Variants in RNPS1 observed in about 807,000 individuals in gnomAD.
The protein encoded by RNPS1 is RNA binding protein with serine rich domain 1, also known as RNA-binding protein with serine-rich domain 1.
For synonymous variants in RNPS1, 147 were observed against 150.0 expected (o/e 0.98, Z 0.15); for missense variants, 300 against 427.6 (o/e 0.70, Z 2.63).
chr16:2,257,451 A>T (rs774289171), intron 6 of RNPS1: 3 of 152,200 alleles, frequency 2.0e-5, no homozygotes, highest in Non-Finnish European at 2.9e-5. Flanking sequence ...TCTTCTGTGT[A>T]GCTGCCAGTA....
intron 1 of RNPS1, chr16:2,267,781 C>T (rs1163401027): frequency 5.0e-6 from 7 of 1,387,912 alleles, no homozygotes; most frequent in Non-Finnish European, 6.5e-6. Context: ...CCCCGCTGGT[C>T]TGAGTCCCGC....
intron 6 of RNPS1, among the ~76,000 whole-genome samples, chr16:2,259,983 CT>C (rs1056757119): frequency 6.6e-6 from 1 of 152,136 alleles, no homozygotes; most frequent in African/African-American, 2.4e-5. Flanking sequence ...ATCTTTTTAA[CT>C]TTTTGCTTAA....
intron 1 of RNPS1, chr16:2,267,273 T>C (rs2093628711): frequency 1.0e-6 from 1 of 985,004 alleles, no homozygotes; most frequent in South Asian, 4.7e-5. Context: ...ATTAGTTAAA[T>C]CTCGAGGAGA....
chr16:2,254,019 C>G lies in RNPS1; in HGVS notation c.863G>C (p.Arg288Pro), dbSNP rs1411816276. ...RRRSPVRRRS[R>P]SPGRRRHRSR... ...CCTGTGGCGGCGGCGGCCCGGGGACCGTGATCTCCGGCGCACGGGGGACCT... is the reference window on the plus strand; with the variant it reads ...CCTGTGGCGGCGGCGGCCCGGGGACGGTGATCTCCGGCGCACGGGGGACCT... Residue 288 changes from arginine (R) to proline (P), a missense_variant, in exon 8 of 8, where the codon CGG becomes CCG. By Grantham distance (103) the Arg-to-Pro change is moderately radical. Transcript: ENST00000320225. 6.6e-7 allele frequency: 1 copy of G among 1,522,730 alleles called. No individual in the cohort carries two copies. The highest frequency in any genetic ancestry group is 8.8e-7 in the Non-Finnish European group (1 of 1,132,542). 94.3% of individuals were successfully genotyped at this position (1,522,730 alleles called of 1,614,324 possible).
rs1253657911 is a variant in RNPS1 at position 2,268,103 on chromosome 16, C to T, written c.-166G>A. On this transcript the variant is annotated 5_prime_UTR_variant, in exon 1 of 8. Coordinates refer to ENST00000320225, the MANE Select transcript of RNPS1 (RefSeq NM_080594.4). Reference sequence around the variant, plus strand: ...TCCTGCTTTCCTCAGCCGCCGAGGCCGGCGCCGCTCTGACGTCAGAGTCAA... The same window carrying T: ...TCCTGCTTTCCTCAGCCGCCGAGGCTGGCGCCGCTCTGACGTCAGAGTCAA... 1.3e-6 allele frequency: 2 copies of T among 1,535,018 alleles called. No homozygotes were observed. The highest frequency in any genetic ancestry group is 8.7e-7 in the Non-Finnish European group (1 of 1,146,412).
chr16:2,267,690 G>A (rs970775218), intron 1 of RNPS1: 88 of 1,169,844 alleles, frequency 7.5e-5, no homozygotes, highest in South Asian at 2.3e-4. Context: ...GCCGGGCCGC[G>A]AGCGCTTCCA....
At position 2,265,993 on chromosome 16, in the gene RNPS1, A is replaced by G. The variant is rs143816722; in HGVS notation, c.-117-1233T>C. 1.4e-4 allele frequency: 59 copies of G among 421,588 alleles called. No individual in the cohort carries two copies. In the East Asian group the frequency reaches 7.6e-3, roughly 54 times the overall value. The allele number at this position is 421,588 out of a possible 1,614,324, so 26.1% of individuals were successfully genotyped here. Reference sequence around the variant, plus strand: ...CTCAAAAACAAATTACTAATTAGTTATGGGCCCTATTTTCCAGGGACTTCT... The same window carrying G: ...CTCAAAAACAAATTACTAATTAGTTGTGGGCCCTATTTTCCAGGGACTTCT... On this transcript the variant is annotated intron_variant, in intron 1 of 7. Transcript: ENST00000320225.
intron 3 of RNPS1, among the ~76,000 whole-genome samples, chr16:2,263,603 G>A (rs1335812323): frequency 6.6e-6 from 1 of 152,208 alleles, no homozygotes; most frequent in African/African-American, 2.4e-5. Context: ...GCTGCTGGCT[G>A]ATGCTGACCC....
intron 1 of RNPS1, chr16:2,266,073 G>C (rs1384540700): frequency 1.0e-6 from 1 of 978,008 alleles, no homozygotes; most frequent in Admixed American, 6.2e-5. Flanking sequence ...GTTAAGTGAA[G>C]ATCTCAGGAA....
At chr16:2,268,022 A>G (rs1320849945) in intron 1 of RNPS1, 33 bp downstream of exon 1, 1 of 1,533,632 alleles carries the variant, frequency 6.5e-7, no homozygotes, top group Non-Finnish European at 8.7e-7. Flanking sequence ...AGCCCCCGAA[A>G]CACGGATGCA....
chr16:2,258,621 G>A (rs753292790), intron 6 of RNPS1: 1 of 152,084 alleles, frequency 6.6e-6, no homozygotes, highest in Non-Finnish European at 1.5e-5. Flanking sequence ...GCTACTTGGG[G>A]AGGCTGAAGC....
At chr16:2,264,446 A>G in intron 2 of RNPS1, 115 bp from the exon 3 acceptor site, 1 of 1,542,794 alleles carries the variant, frequency 6.5e-7, no homozygotes, top group Non-Finnish European at 8.9e-7. Context: ...GTGACCACAG[A>G]GCAAAGTGGT....
intron 7 of RNPS1, among the ~76,000 whole-genome samples, chr16:2,254,879 C>T (rs534047907): frequency 6.6e-6 from 1 of 151,544 alleles, no homozygotes; most frequent in South Asian, 2.1e-4. Flanking sequence ...GTAGCTGGGA[C>T]TACAGGCACC....
intron 6 of RNPS1, among the ~76,000 whole-genome samples, chr16:2,259,348 AATT>A (rs1257835466): frequency 1.7e-4 from 26 of 152,198 alleles, no homozygotes; most frequent in African/African-American, 5.8e-4. Context: ...GATCAGTAAT[AATT>A]ATAATTGTTA....
chr16:2,260,132 G>A (rs2093596510), intron 6 of RNPS1, among the ~76,000 whole-genome samples: 1 of 143,632 alleles, frequency 7.0e-6, no homozygotes, highest in Non-Finnish European at 1.5e-5. Flanking sequence ...AACTATTTGT[G>A]TGTGTGTGTG....
Position 2,264,163 on chromosome 16 carries a change from C to T in RNPS1, c.227+13G>A. On this transcript the variant is annotated intron_variant, in intron 3 of 7. Transcript: ENST00000320225. ...CACAGGTCCTCTCCAGGCTCCAGGC[C>T]AGCCCGCCCCACCTGGTACTGCTGC... 3 of 1,612,326 alleles carry T rather than the reference C, an allele frequency of 1.9e-6. No homozygotes were observed. Among genetic ancestry groups the T allele is most frequent in the Non-Finnish European group, 2.5e-6 (3 of 1,180,002 alleles).
At position 2,253,941 on chromosome 16, in the gene RNPS1, G is replaced by A. The variant is rs372051632; in HGVS notation, c.*23C>T. ...GAGCTGGGTGGGGTATAAGTTACAGGGGCGAGAGCTTCAGTGGCCTGTTTA... is the reference window on the plus strand; with the variant it reads ...GAGCTGGGTGGGGTATAAGTTACAGAGGCGAGAGCTTCAGTGGCCTGTTTA... On this transcript the variant is annotated 3_prime_UTR_variant, in exon 8 of 8. Transcript: ENST00000320225. 2.9e-5 allele frequency: 45 copies of A among 1,547,270 alleles called. No individual in the cohort carries two copies. The highest frequency in any genetic ancestry group is 3.9e-5 in the Non-Finnish European group (45 of 1,142,948).
Position 2,264,309 on chromosome 16 carries a change from T to C in RNPS1, c.94A>G (p.Lys32Glu). 6.2e-7 allele frequency: 1 copy of C among 1,614,224 alleles called. No homozygotes were observed. The highest frequency in any genetic ancestry group is 8.5e-7 in the Non-Finnish European group (1 of 1,180,040). Residue 32 changes from lysine (K) to glutamate (E), a missense_variant, in exon 3 of 8, where the codon AAA (lysine) becomes GAA (glutamate). Transcript: ENST00000320225. ...TTGGACTTCTCATCTGAGCGGTCTT[T>C]GCGTTTGGTAGGTGAAGGAGCCCTG... Reference protein sequence around the residue: ...STRAPSPTKRKDRSDEKSKDR... With the variant: ...STRAPSPTKREDRSDEKSKDR...
rs1422242355 is a variant in RNPS1 at position 2,267,885 on chromosome 16, C to T, written c.-118+170G>A. The T allele has an allele frequency of 2.0e-6, 3 of 1,515,312 alleles. No individual in the cohort carries two copies. The East Asian group carries it at 7.5e-5, about 38-fold the overall frequency. The allele number at this position is 1,515,312 out of a possible 1,614,324, so 93.9% of individuals were successfully genotyped here. A position where few individuals can be genotyped will look rare whatever the true frequency, so the allele number is the denominator to read the frequency against. ...CTTCCGGGCCACGGCCTCGACACCT[C>T]CCACTCCGCCCGCCCCGGGCCACAC... On this transcript the variant is annotated intron_variant, in intron 1 of 7. Transcript: ENST00000320225.
Sources: gnomAD v4.1 joint callset for allele counts (sites outside exome capture counted in the v4.1 genomes callset) on GRCh38, gnomAD v4.1.1 for gene constraint, MANE v1.5 for transcripts, NCBI Gene and HGNC (gene_info 2026-07-23, HGNC 2026-07-21) for gene names.